Variants in EEPD1 observed in about 807,000 individuals in gnomAD.
EEPD1 encodes the protein endonuclease/exonuclease/phosphatase family domain-containing protein 1.
EEPD1 carries 17 observed loss-of-function variants against 46.3 expected under a neutral mutation model. The ratio of observed to expected loss-of-function variants is 0.37; its 90% confidence interval spans 0.25 to 0.55. The LOEUF (loss-of-function observed/expected upper bound fraction) is 0.55. EEPD1 is among the 20% of genes least tolerant of loss of function. The probability of loss-of-function intolerance (pLI) is 0.83; values close to 1 mark genes in which losing one functional copy is unlikely to be tolerated. For missense variants in EEPD1, 673 were observed against 745.6 expected, an observed-to-expected ratio of 0.90 and a Z score of 1.13; for synonymous variants, 313 against 315.6, an observed-to-expected ratio of 0.99 and a Z score of 0.09.
chr7:36,165,383 A>G (rs1784965547), intron 2 of EEPD1, among the ~76,000 whole-genome samples: 1 of 148,214 alleles, frequency 6.7e-6, no homozygotes, highest in Admixed American at 6.7e-5. Context: ...AGTTTGCACA[A>G]TGATGAAATC....
chr7:36,248,067 A>G (rs2115803218), intron 3 of EEPD1, among the ~76,000 whole-genome samples: 1 of 152,266 alleles, frequency 6.6e-6, no homozygotes, highest in Admixed American at 6.5e-5. Context: ...CCTAGAGACC[A>G]TCCACCTAGC....
chr7:36,294,049 T>C (rs982109402), intron 6 of EEPD1, among the ~76,000 whole-genome samples: 1 of 151,670 alleles, frequency 6.6e-6, no homozygotes, highest in Admixed American at 6.6e-5. Flanking sequence ...TAGGAATTGA[T>C]AGGTAAAGTT....
At chr7:36,238,937 CATGAA>C (rs772415789) in intron 2 of EEPD1, 43 bp from the exon 3 acceptor site, 1 of 1,574,662 alleles carries the variant, frequency 6.4e-7, no homozygotes, top group African/African-American at 1.4e-5. Flanking sequence ...TCCTTGGTGA[CATGAA>C]ATGATTTGTT....
chr7:36,297,468 C>T (rs1407403377), intron 7 of EEPD1, among the ~76,000 whole-genome samples: 1 of 152,122 alleles, frequency 6.6e-6, no homozygotes, highest in African/African-American at 2.4e-5. Flanking sequence ...ATTTCTAAAT[C>T]CTCATTTTTC....
chr7:36,280,963 C>G (rs1787251110), intron 3 of EEPD1, 152 bp from the exon 4 acceptor site: 5 of 594,954 alleles, frequency 8.4e-6, no homozygotes, highest in South Asian at 2.3e-5. Context: ...CTCTTGCAAA[C>G]CCTAGTGTTT....
chr7:36,238,010 G>A (rs563440576), intron 2 of EEPD1, among the ~76,000 whole-genome samples: 194 of 152,218 alleles, frequency 1.3e-3, no homozygotes, highest in African/African-American at 4.5e-3. Context: ...GCTAAATAAG[G>A]GGTCGATTAT....
At chr7:36,274,077 G>C (rs1787151006) in intron 3 of EEPD1, among the ~76,000 whole-genome samples, 1 of 152,232 alleles carries the variant, frequency 6.6e-6, no homozygotes, top group South Asian at 2.1e-4. Flanking sequence ...CCTTGGGCCT[G>C]CCCCCTCTGG....
At chr7:36,222,461 C>T (rs183046086) in intron 2 of EEPD1, among the ~76,000 whole-genome samples, 157 of 152,106 alleles carry the variant, frequency 1.0e-3, no homozygotes, top group Non-Finnish European at 1.9e-3. Flanking sequence ...GTAAGTAGAC[C>T]CGCACAATTC....
chr7:36,172,698 C>A (rs1257611315), intron 2 of EEPD1, among the ~76,000 whole-genome samples: 1 of 137,092 alleles, frequency 7.3e-6, no homozygotes, highest in East Asian at 2.4e-4. Context: ...GACAATTCTT[C>A]TTCCATTGTG....
Position 36,215,235 on chromosome 7 carries a change from C to A in EEPD1, c.879-23750C>A, listed in dbSNP as rs77341241. Among the ~76,000 whole-genome samples, 82 of 152,320 alleles carry A rather than the reference C, an allele frequency of 5.4e-4. 1 individual carries two copies. In the East Asian group the frequency reaches 0.015, roughly 28 times the overall value. On this transcript the variant is annotated intron_variant, in intron 2 of 7. Coordinates refer to ENST00000242108, the MANE Select transcript of EEPD1 (RefSeq NM_030636.3). Reference sequence around the variant, plus strand: ...GCCCTCCCTGTGACTCTGCACCCCGCAGCGCTGCACCAGGGCAGTAGGCGC... The same window carrying A: ...GCCCTCCCTGTGACTCTGCACCCCGAAGCGCTGCACCAGGGCAGTAGGCGC...
chr7:36,299,462 A>G lies in EEPD1; in HGVS notation c.*256A>G. The G allele has an allele frequency of 1.8e-6, 1 of 541,390 alleles. No individual in the cohort carries two copies. The highest frequency in any genetic ancestry group is 2.2e-5 in the South Asian group (1 of 45,812). 33.5% of individuals were successfully genotyped at this position (541,390 alleles called of 1,614,324 possible). A position where few individuals can be genotyped will look rare whatever the true frequency, so the allele number is the denominator to read the frequency against. ...GAGACGCCTTTTATCTCTGGATGCC[A>G]CAGACCTGAGCAGCATTGGGCTGGC... is the stretch of plus-strand genomic sequence containing the variant. On this transcript the variant is annotated 3_prime_UTR_variant, in exon 8 of 8. Transcript: ENST00000242108.
chr7:36,207,529 G>A (rs186443211), intron 2 of EEPD1, among the ~76,000 whole-genome samples: 2 of 152,292 alleles, frequency 1.3e-5, no homozygotes, highest in Admixed American at 6.5e-5. Context: ...CCAGGAGTTT[G>A]AGCTGGTCAG....
At chr7:36,235,292 A>T (rs894215318) in intron 2 of EEPD1, among the ~76,000 whole-genome samples, 17 of 152,270 alleles carry the variant, frequency 1.1e-4, no homozygotes, top group African/African-American at 4.1e-4. Flanking sequence ...CAACATGTCA[A>T]AAAGGGGAAA....
intron 3 of EEPD1, among the ~76,000 whole-genome samples, chr7:36,247,012 G>C (rs1205345343): frequency 1.3e-5 from 2 of 151,640 alleles, no homozygotes; most frequent in Non-Finnish European, 2.9e-5. Context: ...TGTAATTCCA[G>C]CTACTCGGGA....
intron 3 of EEPD1, among the ~76,000 whole-genome samples, chr7:36,250,814 C>T (rs1786727011): frequency 6.6e-6 from 1 of 152,176 alleles, no homozygotes; most frequent in Non-Finnish European, 1.5e-5. Flanking sequence ...GAGGTCCCAG[C>T]ACTGTTGAAG....
At chr7:36,180,218 A>G (rs2115652652) in intron 2 of EEPD1, among the ~76,000 whole-genome samples, 1 of 152,302 alleles carries the variant, frequency 6.6e-6, no homozygotes, top group East Asian at 1.9e-4. Context: ...GATGCGGGGG[A>G]AAGGTAACAC....
At chr7:36,173,061 C>T (rs1261683240) in intron 2 of EEPD1, among the ~76,000 whole-genome samples, 1 of 152,084 alleles carries the variant, frequency 6.6e-6, no homozygotes, top group Non-Finnish European at 1.5e-5. Context: ...CATTCAGTTA[C>T]TGACATGGTT....
intron 2 of EEPD1, among the ~76,000 whole-genome samples, chr7:36,161,420 G>C (rs144329376): frequency 4.1e-4 from 62 of 152,078 alleles, no homozygotes; most frequent in Admixed American, 2.4e-3. Context: ...CTCAGCATTC[G>C]GTCAGGGATG....
intron 2 of EEPD1, among the ~76,000 whole-genome samples, chr7:36,236,872 A>T (rs1249127377): frequency 6.6e-6 from 1 of 152,214 alleles, no homozygotes; most frequent in East Asian, 1.9e-4. Context: ...AATTAGCAGG[A>T]TGTGGGTGGG....
Sources: gnomAD v4.1 joint callset for allele counts (sites outside exome capture counted in the v4.1 genomes callset) on GRCh38, gnomAD v4.1.1 for gene constraint, MANE v1.5 for transcripts, NCBI Gene and HGNC (gene_info 2026-07-23, HGNC 2026-07-21) for gene names.